Variants in CDH20 observed in about 807,000 individuals in gnomAD.
CDH20 encodes cadherin 20, also known as cadherin-20.
A neutral mutation model predicts 74.2 loss-of-function variants in CDH20; 29 were observed. That is an observed-to-expected ratio of 0.39 (90% CI 0.29 to 0.53). CDH20 has a LOEUF of 0.53. Among genes scored for constraint, CDH20 ranks in the 20% least tolerant of loss-of-function variants. CDH20 has a pLI of 0.69. For synonymous variants in CDH20, 469 were observed against 405.4 expected (o/e 1.16, Z -1.88); for missense variants, 988 against 1,048.3 (o/e 0.94, Z 0.79).
intron 1 of CDH20, among the ~76,000 whole-genome samples, chr18:61,383,398 T>C (rs2144184959): frequency 6.6e-6 from 1 of 152,050 alleles, no homozygotes; most frequent in Admixed American, 6.5e-5. Context: ...CTGGCCAACA[T>C]GGTAAAAACC....
intron 1 of CDH20, among the ~76,000 whole-genome samples, chr18:61,457,678 AAT>A (rs1698649403): frequency 6.6e-6 from 1 of 152,192 alleles, no homozygotes; most frequent in Non-Finnish European, 1.5e-5. Context: ...AGGATAAAAT[AAT>A]ATGTTTGGAG....
intron 1 of CDH20, among the ~76,000 whole-genome samples, chr18:61,467,667 AC>A (rs1395669263): frequency 1.3e-5 from 2 of 152,030 alleles, no homozygotes; most frequent in Non-Finnish European, 2.9e-5. Context: ...GGAAAGACAA[AC>A]TTTTACTGAG....
intron 1 of CDH20, among the ~76,000 whole-genome samples, chr18:61,359,509 C>T (rs1910618299): frequency 6.6e-6 from 1 of 152,132 alleles, no homozygotes; most frequent in African/African-American, 2.4e-5. Flanking sequence ...TAAGAATTCA[C>T]TTTTCTTTTC....
At chr18:61,373,064 A>G (rs572842745) in intron 1 of CDH20, among the ~76,000 whole-genome samples, 1 of 152,086 alleles carries the variant, frequency 6.6e-6, no homozygotes, top group East Asian at 1.9e-4. Context: ...TGATGGTGAG[A>G]TTATTTCCTT....
intron 9 of CDH20, among the ~76,000 whole-genome samples, chr18:61,543,015 G>T (rs530516245): frequency 6.3e-4 from 96 of 152,248 alleles, no homozygotes; most frequent in African/African-American, 2.0e-3. Flanking sequence ...ATGAGATTTG[G>T]TGGGGTCAAA....
At chr18:61,431,159 C>T (rs1913238574) in intron 1 of CDH20, among the ~76,000 whole-genome samples, 1 of 152,118 alleles carries the variant, frequency 6.6e-6, no homozygotes, top group African/African-American at 2.4e-5. Flanking sequence ...ATGTTGCCTT[C>T]CTGCAACCTC....
At chr18:61,375,641 C>G (rs993695230) in intron 1 of CDH20, among the ~76,000 whole-genome samples, 1 of 152,206 alleles carries the variant, frequency 6.6e-6, no homozygotes, top group African/African-American at 2.4e-5. Flanking sequence ...TCCATCTAGT[C>G]AACTCCTTCT....
chr18:61,439,963 G>T (rs1908972008), intron 1 of CDH20, among the ~76,000 whole-genome samples: 1 of 152,170 alleles, frequency 6.6e-6, no homozygotes, highest in Non-Finnish European at 1.5e-5. Flanking sequence ...TCTTTGATGG[G>T]TTATTTTGGC....
At chr18:61,494,592 TCTGCTTGCGAC>T (rs1209466367) in intron 2 of CDH20, among the ~76,000 whole-genome samples, 2 of 152,152 alleles carry the variant, frequency 1.3e-5, no homozygotes, top group East Asian at 3.8e-4. Flanking sequence ...CCAGGGGCAT[TCTGCTTGCGAC>T]CTTGAGCTCC....
intron 1 of CDH20, among the ~76,000 whole-genome samples, chr18:61,401,314 G>A (rs1355800746): frequency 6.6e-6 from 1 of 152,188 alleles, no homozygotes; most frequent in African/African-American, 2.4e-5. Context: ...AATAAGAAAA[G>A]GGATTTAGGA....
chr18:61,517,494 T>G (rs1205883717), intron 6 of CDH20, among the ~76,000 whole-genome samples: 1 of 152,156 alleles, frequency 6.6e-6, no homozygotes, highest in African/African-American at 2.4e-5. Flanking sequence ...GTCAGGGAAC[T>G]CCCTCTCCTA....
chr18:61,499,251 C>A lies in CDH20; in HGVS notation c.312C>A (p.Gly104=). The A allele has an allele frequency of 6.2e-7, 1 of 1,613,190 alleles. No homozygotes were observed. Among genetic ancestry groups the A allele is most frequent in the Middle Eastern group, 1.7e-4 (1 of 6,048 alleles). ...ACATCCTCTCGGGAGAAGGTGCTGG[C>A]ATCGTGTTTACCATCGACGACACCA... ...IKYILSGEGA[G]IVFTIDDTTG... The change falls in exon 3 of 12, where the codon GGC becomes GGA. Residue 104 remains glycine (G), a synonymous_variant. Transcript: ENST00000262717.
intron 1 of CDH20, among the ~76,000 whole-genome samples, chr18:61,471,658 C>T (rs1320711453): frequency 6.6e-6 from 1 of 152,148 alleles, no homozygotes; most frequent in East Asian, 1.9e-4. Context: ...GTAAAACATA[C>T]TATAAAATTG....
At chr18:61,383,073 A>C (rs1452910619) in intron 1 of CDH20, among the ~76,000 whole-genome samples, 2 of 152,186 alleles carry the variant, frequency 1.3e-5, no homozygotes, top group Non-Finnish European at 2.9e-5. Flanking sequence ...TATTTAAGTA[A>C]ACATAGAAGT....
At chr18:61,420,413 T>C (rs1432374930) in intron 1 of CDH20, among the ~76,000 whole-genome samples, 2 of 151,512 alleles carry the variant, frequency 1.3e-5, no homozygotes, top group African/African-American at 2.4e-5. Context: ...GGCCGGGCTA[T>C]GGAGTAACTA....
chr18:61,413,634 T>C (rs575052858), intron 1 of CDH20, among the ~76,000 whole-genome samples: 24 of 152,230 alleles, frequency 1.6e-4, no homozygotes, highest in Non-Finnish European at 2.8e-4. Flanking sequence ...CATAGTTCTG[T>C]TGACATCAAT....
intron 1 of CDH20, among the ~76,000 whole-genome samples, chr18:61,388,000 G>T (rs1349262040): frequency 6.6e-6 from 1 of 151,894 alleles, no homozygotes; most frequent in Non-Finnish European, 1.5e-5. Context: ...AATGTTCTCT[G>T]CCCTTGCAGA....
chr18:61,549,902 T>C (rs1207114841), intron 10 of CDH20, 76 bp from the exon 11 acceptor site: 4 of 1,488,342 alleles, frequency 2.7e-6, no homozygotes, highest in East Asian at 2.3e-5. Context: ...ACCCTGCCCC[T>C]GCCCCCTTGC....
intron 1 of CDH20, among the ~76,000 whole-genome samples, chr18:61,401,823 T>G (rs1912164959): frequency 6.6e-6 from 1 of 152,266 alleles, no homozygotes; most frequent in Non-Finnish European, 1.5e-5. Context: ...GAGATAAAAT[T>G]TGCATTTACA....
Sources: allele counts gnomAD v4.1 joint callset (sites outside exome capture counted in the v4.1 genomes callset), GRCh38; gene constraint gnomAD v4.1.1; transcripts MANE v1.5; gene names NCBI Gene and HGNC (gene_info 2026-07-23, HGNC 2026-07-21).